The following TSPAN5 variants were observed in gnomAD, a reference collection of about 807,000 sequenced individuals.
TSPAN5 encodes the protein tetraspanin 5, also known as tetraspanin-5.
In TSPAN5, 10 loss-of-function variants were observed where a neutral mutation model predicts 37.1. The ratio of observed to expected loss-of-function variants is 0.27; its 90% confidence interval spans 0.17 to 0.46. The LOEUF is 0.46. Ranked by LOEUF, TSPAN5 falls within the 20% of genes least tolerant of loss-of-function variation. The pLI is 1.00. For missense variants in TSPAN5, 195 were observed against 326.6 expected (o/e 0.60, Z 3.11); for synonymous variants, 110 against 118.9 (o/e 0.93, Z 0.48).
intron 1 of TSPAN5, among the ~76,000 whole-genome samples, chr4:98,548,016 AAAAAAAAAAAAG>A (rs1754509620): frequency 8.2e-6 from 1 of 121,626 alleles, no homozygotes; most frequent in African/African-American, 3.4e-5. Context: ...TGTCTCAAAA[AAAAAAAAAAAAG>A]AAAAAGAAAA....
Position 98,472,298 on chromosome 4 carries a change from TAG to T in TSPAN5, c.*222_*223del. 2.3e-6 allele frequency: 1 copy of T among 434,540 alleles called. No individual in the cohort carries two copies. Among genetic ancestry groups the T allele is most frequent in the South Asian group, 5.5e-5 (1 of 18,112 alleles). The allele number at this position is 434,540 out of a possible 1,614,324, so 26.9% of individuals were successfully genotyped here. On this transcript the variant is annotated 3_prime_UTR_variant, in exon 8 of 8. Transcript: ENST00000305798. ...ACTGTCCATAAATTCATGGCTACAG[TAG>T]AGATTCACGGCGCAACGACTTTCAT...
rs565439982 is a variant in TSPAN5 at position 98,657,696 on chromosome 4, G to C, written c.81+450C>G. ...GGCACAGACCAGCCGCGGCAACACG[G>C]AGCCAAGCCCTCGTCCAATCAGATC... On this transcript the variant is annotated intron_variant, in intron 1 of 7. Coordinates refer to ENST00000305798, the MANE Select transcript of TSPAN5 (RefSeq NM_005723.4). 641 of 234,944 alleles carry C rather than the reference G, an allele frequency of 2.7e-3. 1 individual carries two copies. Among genetic ancestry groups the C allele is most frequent in the Non-Finnish European group, 4.1e-3 (498 of 120,220 alleles). 14.6% of individuals were successfully genotyped at this position (234,944 alleles called of 1,614,324 possible).
chr4:98,541,583 G>A (rs1045791751), intron 1 of TSPAN5, among the ~76,000 whole-genome samples: 25 of 150,452 alleles, frequency 1.7e-4, no homozygotes, highest in Non-Finnish European at 3.2e-4. Flanking sequence ...GCTGAGGCAT[G>A]AGAATTGCTT....
chr4:98,604,797 G>A (rs1285745787), intron 1 of TSPAN5, among the ~76,000 whole-genome samples: 1 of 152,188 alleles, frequency 6.6e-6, no homozygotes, highest in Non-Finnish European at 1.5e-5. Context: ...CTCCTTATGT[G>A]ACTATTTAAT....
At chr4:98,503,847 T>TG (rs1387852370) in intron 2 of TSPAN5, among the ~76,000 whole-genome samples, 1 of 152,202 alleles carries the variant, frequency 6.6e-6, no homozygotes, top group Admixed American at 6.5e-5. Context: ...TGTCACTGGA[T>TG]GTTGTCAAGG....
chr4:98,541,222 T>G (rs1014373141), intron 1 of TSPAN5, among the ~76,000 whole-genome samples: 1 of 152,158 alleles, frequency 6.6e-6, no homozygotes, highest in Non-Finnish European at 1.5e-5. Context: ...GGTACAGGCT[T>G]TACTCTGACT....
At chr4:98,491,615 G>A (rs1358845105) in intron 2 of TSPAN5, among the ~76,000 whole-genome samples, 1 of 151,818 alleles carries the variant, frequency 6.6e-6, no homozygotes, top group Admixed American at 6.6e-5. Flanking sequence ...TTGAACCCAG[G>A]AGGCAGAGGT....
chr4:98,506,994 G>C (rs563877932), intron 2 of TSPAN5, among the ~76,000 whole-genome samples: 15 of 152,130 alleles, frequency 9.9e-5, no homozygotes, highest in African/African-American at 3.6e-4. Flanking sequence ...GTGGACACAG[G>C]GGGTGTCTGC....
intron 1 of TSPAN5, among the ~76,000 whole-genome samples, chr4:98,618,867 T>G (rs1347066091): frequency 6.6e-6 from 1 of 152,186 alleles, no homozygotes; most frequent in Non-Finnish European, 1.5e-5. Context: ...AACAAGTCTA[T>G]AGCATAGCTG....
intron 1 of TSPAN5, among the ~76,000 whole-genome samples, chr4:98,560,551 T>A (rs971129529): frequency 6.6e-6 from 1 of 152,210 alleles, no homozygotes; most frequent in Non-Finnish European, 1.5e-5. Flanking sequence ...CCAAGGCCTG[T>A]CTAGCATGAG....
intron 1 of TSPAN5, chr4:98,510,047 T>C (rs1753571485): frequency 6.6e-6 from 1 of 152,196 alleles, no homozygotes; most frequent in African/African-American, 2.4e-5. Flanking sequence ...CGAAGGCCTC[T>C]GCTTGATCGC....
intron 5 of TSPAN5, among the ~76,000 whole-genome samples, chr4:98,478,219 A>G (rs1437998716): frequency 6.6e-6 from 1 of 152,194 alleles, no homozygotes; most frequent in Non-Finnish European, 1.5e-5. Context: ...TAAGCCAAAA[A>G]GAAAAGGGTT....
chr4:98,560,527 T>A (rs1304889285), intron 1 of TSPAN5, among the ~76,000 whole-genome samples: 1 of 152,186 alleles, frequency 6.6e-6, no homozygotes, highest in Non-Finnish European at 1.5e-5. Flanking sequence ...GTTTTCCTTG[T>A]TTAGGACGTG....
At chr4:98,578,501 C>T (rs1349872964) in intron 1 of TSPAN5, among the ~76,000 whole-genome samples, 1 of 152,146 alleles carries the variant, frequency 6.6e-6, no homozygotes, top group African/African-American at 2.4e-5. Flanking sequence ...TCTCGGCTCA[C>T]TGCAACCTCC....
intron 1 of TSPAN5, among the ~76,000 whole-genome samples, chr4:98,514,788 AG>A: frequency 6.6e-6 from 1 of 152,188 alleles, no homozygotes; most frequent in East Asian, 1.9e-4. Flanking sequence ...GAGGTCATCT[AG>A]GGGCTTTGGA....
intron 1 of TSPAN5, among the ~76,000 whole-genome samples, chr4:98,604,032 T>G (rs369397887): frequency 4.6e-5 from 7 of 152,158 alleles, no homozygotes; most frequent in African/African-American, 1.2e-4. Context: ...TTTTCCCTGT[T>G]TGATGCTTAC....
intron 1 of TSPAN5, among the ~76,000 whole-genome samples, chr4:98,641,849 G>C (rs1756966803): frequency 1.3e-5 from 2 of 152,154 alleles, no homozygotes; most frequent in South Asian, 4.1e-4. Context: ...GAGATGCTGG[G>C]CTCCCAGAAG....
intron 1 of TSPAN5, among the ~76,000 whole-genome samples, chr4:98,575,595 T>C (rs1455683429): frequency 6.6e-6 from 1 of 152,094 alleles, no homozygotes; most frequent in Non-Finnish European, 1.5e-5. Context: ...CTGGGGCTAA[T>C]CCAAGGGTTT....
chr4:98,537,541 A>G (rs1012058997), intron 1 of TSPAN5, among the ~76,000 whole-genome samples: 1 of 152,224 alleles, frequency 6.6e-6, no homozygotes, highest in African/African-American at 2.4e-5. Context: ...GCTAATTTTC[A>G]TAACACCCTC....
Sources: allele counts gnomAD v4.1 joint callset (sites outside exome capture counted in the v4.1 genomes callset), GRCh38; gene constraint gnomAD v4.1.1; transcripts MANE v1.5; gene names NCBI Gene and HGNC (gene_info 2026-07-23, HGNC 2026-07-21).